The following DACH1 variants were observed in gnomAD, a reference collection of about 807,000 sequenced individuals.
DACH1 encodes the protein dachshund family transcription factor 1, also known as dachshund homolog 1.
A neutral mutation model predicts 54.2 loss-of-function variants in DACH1; 12 were observed. The ratio of observed to expected loss-of-function variants is 0.22; its 90% CI spans 0.14 to 0.36. The LOEUF (loss-of-function observed/expected upper bound fraction) is 0.36. DACH1 is among the 10% of genes least tolerant of loss of function. The pLI is 1.00. For missense variants in DACH1, 805 were observed against 929.8 expected (o/e 0.87, Z 1.75); for synonymous variants, 386 against 366.2 (o/e 1.05, Z -0.62).
At chr13:71,666,710 A>G (rs1879860780) in intron 2 of DACH1, among the ~76,000 whole-genome samples, 1 of 152,176 alleles carries the variant, frequency 6.6e-6, no homozygotes, top group Non-Finnish European at 1.5e-5. Flanking sequence ...GACCAGGTGC[A>G]GTGGCTCACG....
intron 3 of DACH1, among the ~76,000 whole-genome samples, chr13:71,610,858 A>C (rs1018383823): frequency 6.6e-6 from 1 of 152,164 alleles, no homozygotes; most frequent in Non-Finnish European, 1.5e-5. Context: ...CATGCAGATA[A>C]ATCTTTGGGG....
chr13:71,703,298 T>C (rs1051419818), intron 1 of DACH1, among the ~76,000 whole-genome samples: 1 of 152,176 alleles, frequency 6.6e-6, no homozygotes, highest in Admixed American at 6.5e-5. Context: ...CTATGAGACT[T>C]GCTGTGGCCA....
intron 1 of DACH1, among the ~76,000 whole-genome samples, chr13:71,864,685 G>A (rs1347260056): frequency 1.3e-5 from 2 of 152,068 alleles, no homozygotes; most frequent in African/African-American, 4.8e-5. Context: ...GGGACAAAGC[G>A]GCGCTGTGAA....
intron 2 of DACH1, among the ~76,000 whole-genome samples, chr13:71,634,115 T>C (rs183245993): frequency 1.5e-3 from 224 of 151,842 alleles, no homozygotes; most frequent in Non-Finnish European, 2.4e-3. Flanking sequence ...TGGGATTACA[T>C]GCACCCACCA....
chr13:71,529,189 T>G (rs866226971), intron 6 of DACH1, among the ~76,000 whole-genome samples: 2 of 146,612 alleles, frequency 1.4e-5, no homozygotes, highest in Non-Finnish European at 3.0e-5. Flanking sequence ...TTGGGTTTTT[T>G]TTTTTTTTTT....
chr13:71,652,749 A>T (rs1878773089), intron 2 of DACH1, among the ~76,000 whole-genome samples: 1 of 152,202 alleles, frequency 6.6e-6, no homozygotes, highest in South Asian at 2.1e-4. Flanking sequence ...TGTGTTTACC[A>T]GCTTGTCCAA....
chr13:71,477,714 G>A (rs753726385), intron 8 of DACH1, among the ~76,000 whole-genome samples: 83 of 152,046 alleles, frequency 5.5e-4, no homozygotes, highest in Admixed American at 7.2e-4. Flanking sequence ...GTACACTCTT[G>A]TGGCTCTAAA....
chr13:71,710,063 T>G (rs1473373514), intron 1 of DACH1, among the ~76,000 whole-genome samples: 1 of 152,092 alleles, frequency 6.6e-6, no homozygotes, highest in African/African-American at 2.4e-5. Context: ...TGTCTAGGCT[T>G]ACACATATAT....
intron 1 of DACH1, among the ~76,000 whole-genome samples, chr13:71,776,577 T>A (rs1400237266): frequency 1.3e-5 from 2 of 152,072 alleles, no homozygotes; most frequent in Non-Finnish European, 2.9e-5. Flanking sequence ...AAAGGAGAAA[T>A]AACAGTCTTA....
intron 1 of DACH1, among the ~76,000 whole-genome samples, chr13:71,855,901 A>G (rs2138276707): frequency 6.6e-6 from 1 of 152,098 alleles, no homozygotes; most frequent in Non-Finnish European, 1.5e-5. Flanking sequence ...ATTAAAAAGT[A>G]CAAAATAGTT....
chr13:71,768,409 T>G lies in DACH1; in HGVS notation c.849-86499A>C, dbSNP rs147377510. Among the ~76,000 whole-genome samples the G allele has an allele frequency of 2.6e-3, 400 of 152,128 alleles. 2 individuals carry two copies. The highest frequency in any genetic ancestry group is 0.016 in the South Asian group (78 of 4,826). The stretch of plus-strand genomic sequence containing the variant: ...GTGATGAAAGTTCATGCTTTATTCT[T>G]ACAGATTGCCTTTCTTTTCTTTCCT... On this transcript the variant is annotated intron_variant, in intron 1 of 10. Transcript: ENST00000613252.
At chr13:71,534,890 A>G (rs1471302972) in intron 6 of DACH1, among the ~76,000 whole-genome samples, 5 of 151,784 alleles carry the variant, frequency 3.3e-5, no homozygotes, top group African/African-American at 1.2e-4. Flanking sequence ...GTCCTTGTTT[A>G]TAAGAGCTAA....
At chr13:71,474,287 A>G (rs1270683392) in intron 10 of DACH1, among the ~76,000 whole-genome samples, 1 of 152,196 alleles carries the variant, frequency 6.6e-6, no homozygotes, top group Non-Finnish European at 1.5e-5. Flanking sequence ...CTGATTAAGT[A>G]ACACAATTAA....
chr13:71,624,242 T>C (rs898996176), intron 3 of DACH1, among the ~76,000 whole-genome samples: 1 of 151,900 alleles, frequency 6.6e-6, no homozygotes, highest in Admixed American at 6.6e-5. Context: ...CTATTCTTAA[T>C]CAATTGAATT....
intron 10 of DACH1, among the ~76,000 whole-genome samples, chr13:71,444,000 A>C (rs1874229243): frequency 6.6e-6 from 1 of 152,172 alleles, no homozygotes; most frequent in Admixed American, 6.6e-5. Context: ...CTGTGGGACC[A>C]AACTATGTTT....
intron 7 of DACH1, among the ~76,000 whole-genome samples, chr13:71,483,533 A>C (rs1325697350): frequency 6.8e-6 from 1 of 147,258 alleles, no homozygotes; most frequent in Non-Finnish European, 1.5e-5. Context: ...AATTACAATA[A>C]TTTTTATAAT....
intron 6 of DACH1, among the ~76,000 whole-genome samples, chr13:71,513,010 A>G (rs190428224): frequency 1.2e-4 from 18 of 152,098 alleles, no homozygotes; most frequent in Admixed American, 7.9e-4. Flanking sequence ...TCCACAAAAT[A>G]TAAGTAATAG....
At chr13:71,664,033 T>C (rs1409053721) in intron 2 of DACH1, among the ~76,000 whole-genome samples, 1 of 151,954 alleles carries the variant, frequency 6.6e-6, no homozygotes, top group African/African-American at 2.4e-5. Flanking sequence ...CAGTGTGAAG[T>C]AGATTGGTGA....
intron 1 of DACH1, among the ~76,000 whole-genome samples, chr13:71,738,013 A>G (rs1158777576): frequency 2.6e-5 from 4 of 152,324 alleles, no homozygotes; most frequent in African/African-American, 7.2e-5. Context: ...TTCTTCAGTA[A>G]TGGGACAAAT....
Sources: allele counts gnomAD v4.1 joint callset (sites outside exome capture counted in the v4.1 genomes callset), GRCh38; gene constraint gnomAD v4.1.1; transcripts MANE v1.5; gene names NCBI Gene and HGNC (gene_info 2026-07-23, HGNC 2026-07-21).